PNCK: variants seen among roughly 807,000 people sequenced by gnomAD.
The protein encoded by PNCK is calcium/calmodulin-dependent protein kinase type 1B.
A neutral mutation model predicts 28.3 loss-of-function variants in PNCK; 21 were observed. The ratio of observed to expected loss-of-function variants is 0.74; its 90% CI spans 0.53 to 1.07. The LOEUF is 1.07. Ranked by LOEUF, PNCK falls within the 50% of genes least tolerant of loss-of-function variation. The probability of loss-of-function intolerance (pLI) is 0.00; values close to 1 mark genes in which losing one functional copy is unlikely to be tolerated. For synonymous variants in PNCK, 136 were observed against 125.2 expected, an observed-to-expected ratio of 1.09 and a Z score of -0.58; for missense variants, 250 against 298.3, an observed-to-expected ratio of 0.84 and a Z score of 1.19.
intron 1 of PNCK, among the ~76,000 whole-genome samples, chrX:153,685,395 A>G (rs2091414429): frequency 9.0e-6 from 1 of 110,764 alleles, no homozygotes; most frequent in Admixed American, 9.4e-5. Context: ...AGCCTGTGAC[A>G]GAGACCAGAG....
Position 153,670,774 on chromosome X carries a change from G to T in PNCK, c.864C>A (p.Ile288=). The part of the protein sequence containing the change: ...RDILGSVSEQ[I]RKNFARTHWK... ...AGTGTGTCCGAGCAAAGTTCTTCCGGATCTGCTCACTGACAGAGCCTAAGA... is the reference window on the plus strand; with the variant it reads ...AGTGTGTCCGAGCAAAGTTCTTCCGTATCTGCTCACTGACAGAGCCTAAGA... Residue 288 remains isoleucine, a synonymous_variant, in exon 10 of 12, where the codon ATC becomes ATA. Transcript: ENST00000340888. 8.3e-7 allele frequency: 1 copy of T among 1,211,181 alleles called. No homozygotes were observed. Among genetic ancestry groups the T allele is most frequent in the Non-Finnish European group, 1.1e-6 (1 of 894,848 alleles).
chrX:153,677,905 A>G (rs2091377998), upstream of PNCK, among the ~76,000 whole-genome samples: 1 of 106,020 alleles, frequency 9.4e-6, no homozygotes, highest in Non-Finnish European at 1.9e-5. Flanking sequence ...TATGTAGTAT[A>G]TATAGTGTAT....
chrX:153,673,815 G>A (rs2091345135), upstream of PNCK: 1 of 750,735 alleles, frequency 1.3e-6, no homozygotes, highest in African/African-American at 2.3e-5. Flanking sequence ...CCGCGCAGTG[G>A]CCGCAGCGCC....
In PNCK at chrX:153,669,902, G is replaced by C. The variant is rs11551668; in HGVS notation, c.*236C>G. On this transcript the variant is annotated 3_prime_UTR_variant, in exon 12 of 12. Transcript: ENST00000340888. ...CCCCTCGGCTTTTGGCGGGGCGGGG[G>C]GGGCAGGGGCGGGAGAGGCAACAGG... 14 of 340,279 alleles carry C rather than the reference G, an allele frequency of 4.1e-5. No homozygotes were observed. The highest frequency in any genetic ancestry group is 7.7e-5 in the Non-Finnish European group (13 of 169,638). The allele number at this position is 340,279 out of a possible 1,213,427, so 28.0% of individuals were successfully genotyped here.
At chrX:153,672,780 G>GC (rs2091321590) in intron 2 of PNCK, 83 bp from the exon 3 acceptor site, 2 of 1,076,792 alleles carry the variant, frequency 1.9e-6, no homozygotes, top group South Asian at 4.2e-5. Flanking sequence ...AGCGGGGAGG[G>GC]CCCCCTGTGA....
chrX:153,671,091 G>A lies in PNCK; in HGVS notation c.714C>T (p.Asp238=). ...SYEFDSPFWD[D]ISESAKDFIR... Reference sequence around the variant, plus strand: ...CCTCAAGCTCACCTGATTCTGAGATGTCATCCCAGAAAGGAGAGTCAAACT... The same window carrying A: ...CCTCAAGCTCACCTGATTCTGAGATATCATCCCAGAAAGGAGAGTCAAACT... Residue 238 remains aspartate, a synonymous_variant, in exon 8 of 12, where the codon GAC becomes GAT. Coordinates refer to ENST00000340888, the MANE Select transcript of PNCK (RefSeq NM_001366977.1). 1 of 1,212,119 alleles carries A rather than the reference G, an allele frequency of 8.3e-7. No individual in the cohort carries two copies. The highest frequency in any genetic ancestry group is 1.1e-6 in the Non-Finnish European group (1 of 895,583).
chrX:153,679,566 C>CTTTTTTTTTTT (rs1211891003), upstream of PNCK, among the ~76,000 whole-genome samples: 22 of 46,066 alleles, frequency 4.8e-4, no homozygotes, highest in Non-Finnish European at 6.1e-4. Context: ...CTTTTCTTTT[C>CTTTTTTTTTTT]TTTTTTTTTT....
chrX:153,676,131 T>C (rs1338499204), upstream of PNCK, among the ~76,000 whole-genome samples: 1 of 109,927 alleles, frequency 9.1e-6, no homozygotes, highest in African/African-American at 3.3e-5. Context: ...CCTTGCTTTG[T>C]GCTAATAACT....
chrX:153,687,718 C>T, upstream of PNCK: 2 of 279,514 alleles, frequency 7.2e-6, no homozygotes, highest in Non-Finnish European at 1.3e-5. Flanking sequence ...CTGGCGGCCG[C>T]CCCAGGTAGC....
upstream of PNCK, among the ~76,000 whole-genome samples, chrX:153,679,465 T>C (rs2091384509): frequency 9.1e-6 from 1 of 109,930 alleles, no homozygotes; most frequent in Admixed American, 1.0e-4. Context: ...TTATTTGCCA[T>C]TTGTATTTCT....
chrX:153,670,920 A>G lies in PNCK; in HGVS notation c.804T>C (p.Leu268=). ...RFTCQQALRH[L]WISGDTAFDR... is the part of the protein sequence containing the mutation. ...AGCTCAGCAGGGCTCCCACTCACCA[A>G]AGGTGCCGCAAGGCCTGTTGGCAGG... The change falls in exon 9 of 12, where the codon CTT becomes CTC. Residue 268 remains leucine, a splice_region_variant and synonymous_variant. Coordinates refer to ENST00000340888, the MANE Select transcript of PNCK (RefSeq NM_001366977.1). 1.7e-6 allele frequency: 2 copies of G among 1,211,703 alleles called. No individual in the cohort carries two copies. The highest frequency in any genetic ancestry group is 2.2e-6 in the Non-Finnish European group (2 of 895,414).
At chrX:153,670,636 C>A in intron 10 of PNCK, 42 bp from the exon 11 acceptor site, 1 of 1,199,043 alleles carries the variant, frequency 8.3e-7, no homozygotes, top group Non-Finnish European at 1.1e-6. Flanking sequence ...TGGGCCCAGG[C>A]CCCAGCCCCT....
At chrX:153,684,913 G>A (rs930469319) in intron 1 of PNCK, among the ~76,000 whole-genome samples, 2 of 95,540 alleles carry the variant, frequency 2.1e-5, no homozygotes, top group Non-Finnish European at 4.2e-5. Flanking sequence ...CTGAAAGGCT[G>A]CCCACTCCCT....
At chrX:153,685,837 T>C (rs1557043085) in intron 1 of PNCK, among the ~76,000 whole-genome samples, 2 of 111,931 alleles carry the variant, frequency 1.8e-5, no homozygotes, top group Non-Finnish European at 1.9e-5. Context: ...TGAGGAGGAG[T>C]TCACAGTCAC....
upstream of PNCK, among the ~76,000 whole-genome samples, chrX:153,678,030 T>TAC (rs200823596): frequency 0.098 from 10,584 of 108,439 alleles, 459 homozygotes; most frequent in South Asian, 0.15. Context: ...TATAAACAGA[T>TAC]ACACACGCGC....
In PNCK at chrX:153,672,561, C is replaced by G; in HGVS notation, c.200+5G>C. ...CCCCGTCCCAGGGCCCCGCGAGGTGCGCACCTACGGAGCACTGCGATCTCG... is the reference window on the plus strand; with the variant it reads ...CCCCGTCCCAGGGCCCCGCGAGGTGGGCACCTACGGAGCACTGCGATCTCG... On this transcript the variant is annotated splice_donor_5th_base_variant and intron_variant, in intron 3 of 11. Transcript: ENST00000340888. 8.3e-7 allele frequency: 1 copy of G among 1,204,236 alleles called. No homozygotes were observed. The highest frequency in any genetic ancestry group is 3.0e-5 in the East Asian group (1 of 33,837).
intron 1 of PNCK, among the ~76,000 whole-genome samples, chrX:153,681,028 C>CAAAAAAA (rs782745110): frequency 3.3e-5 from 1 of 30,207 alleles, no homozygotes; most frequent in Non-Finnish European, 7.1e-5. Context: ...GAACCTGTCT[C>CAAAAAAA]AAAAAAAAAA....
chrX:153,686,463 C>G (rs782398663), intron 1 of PNCK: 1 of 112,054 alleles, frequency 8.9e-6, no homozygotes, highest in East Asian at 2.8e-4. Context: ...CACGCGCCCA[C>G]CCCGCACTCC....
chrX:153,671,904 C>G lies in PNCK; in HGVS notation c.390G>C (p.Leu130=). The part of the protein sequence containing the change: ...VLGAVSYLHS[L]GIVHRDLKPE... ...CCTTGAGGTCCCGGTGCACGATCCC[C>G]AGGCTGTGCAGGTAGGAGACGGCGC... is the stretch of plus-strand genomic sequence containing the variant. The change falls in exon 5 of 12, where the codon CTG becomes CTC. Residue 130 remains leucine, a synonymous_variant. Transcript: ENST00000340888. 1.7e-6 allele frequency: 2 copies of G among 1,209,331 alleles called. No homozygotes were observed. The highest frequency in any genetic ancestry group is 2.2e-6 in the Non-Finnish European group (2 of 894,980).
Sources: gnomAD v4.1 joint callset for allele counts (sites outside exome capture counted in the v4.1 genomes callset) on GRCh38, gnomAD v4.1.1 for gene constraint, MANE v1.5 for transcripts, NCBI Gene and HGNC (gene_info 2026-07-23, HGNC 2026-07-21) for gene names.